Variants in ZFAT observed in about 807,000 individuals in gnomAD.
The protein encoded by ZFAT is zinc finger protein ZFAT.
Under a neutral mutation model 117.7 loss-of-function variants are expected in ZFAT, and 64 were observed. The ratio of observed to expected loss-of-function variants is 0.54; its 90% CI spans 0.44 to 0.67. The LOEUF (loss-of-function observed/expected upper bound fraction) is 0.67, where lower values mean the gene tolerates loss of function less well. Ranked by LOEUF, ZFAT falls within the 30% of genes least tolerant of loss-of-function variation. ZFAT has a pLI of 0.00. For missense variants in ZFAT, 1,433 were observed against 1,584.5 expected, an observed-to-expected ratio of 0.90 and a Z score of 1.62; for synonymous variants, 679 against 615.0, an observed-to-expected ratio of 1.10 and a Z score of -1.54.
upstream of ZFAT, among the ~76,000 whole-genome samples, chr8:134,715,580 A>C (rs1814202344): frequency 6.6e-6 from 1 of 152,230 alleles, no homozygotes; most frequent in Non-Finnish European, 1.5e-5. Context: ...TTTGCCAGTA[A>C]TATTTCAGAA....
At chr8:134,534,390 C>T (rs1821661403) in intron 11 of ZFAT, among the ~76,000 whole-genome samples, 1 of 152,180 alleles carries the variant, frequency 6.6e-6, no homozygotes, top group Admixed American at 6.5e-5. Context: ...CCACTGTTGC[C>T]CAGAAGAGCT....
At chr8:134,709,478 T>C (rs1053538435) in intron 1 of ZFAT, among the ~76,000 whole-genome samples, 1 of 152,208 alleles carries the variant, frequency 6.6e-6, no homozygotes, top group Non-Finnish European at 1.5e-5. Flanking sequence ...CCCTCCTAAA[T>C]GTTCCAGCCC....
chr8:134,762,263 C>T, the ZFAT span, among the ~76,000 whole-genome samples: 3 of 152,206 alleles, frequency 2.0e-5, no homozygotes, highest in Non-Finnish European at 4.4e-5. Context: ...CTACAAACCC[C>T]TCTTAATTGT....
intron 15 of ZFAT, among the ~76,000 whole-genome samples, chr8:134,493,094 T>C (rs551234563): frequency 6.6e-6 from 1 of 152,336 alleles, no homozygotes; most frequent in East Asian, 1.9e-4. Context: ...ACATATTTTC[T>C]TTCCCGAAGG....
At chr8:134,745,056 C>T in the ZFAT span, among the ~76,000 whole-genome samples, 4 of 152,186 alleles carry the variant, frequency 2.6e-5, no homozygotes, top group East Asian at 1.9e-4. Context: ...TGTAAGGGCT[C>T]GTCTAATTTG....
intron 15 of ZFAT, among the ~76,000 whole-genome samples, chr8:134,500,381 T>G (rs1818882350): frequency 6.6e-6 from 1 of 152,170 alleles, no homozygotes; most frequent in Non-Finnish European, 1.5e-5. Context: ...GGAAGAAAAG[T>G]GAAGTTGGAT....
chr8:134,627,673 A>G (rs1379159418), intron 3 of ZFAT, among the ~76,000 whole-genome samples: 2 of 152,136 alleles, frequency 1.3e-5, no homozygotes, highest in Non-Finnish European at 2.9e-5. Context: ...TTTCCCACCC[A>G]TTAGATATTG....
At chr8:134,711,599 G>C (rs1814000445) in intron 1 of ZFAT, among the ~76,000 whole-genome samples, 1 of 152,148 alleles carries the variant, frequency 6.6e-6, no homozygotes, top group African/African-American at 2.4e-5. Flanking sequence ...CCCGGCCTGA[G>C]TGATAGTGCG....
At chr8:134,639,868 TC>T (rs1385668258) in intron 2 of ZFAT, 1 of 434,566 alleles carries the variant, frequency 2.3e-6, no homozygotes, top group Admixed American at 2.5e-5. Flanking sequence ...GACTCTGCCA[TC>T]CCGCAGACAC....
At chr8:134,622,981 G>C (rs534495034) in intron 3 of ZFAT, among the ~76,000 whole-genome samples, 1 of 152,122 alleles carries the variant, frequency 6.6e-6, no homozygotes, top group African/African-American at 2.4e-5. Flanking sequence ...CTTTTACAAA[G>C]GGTCTCTTCC....
chr8:134,585,408 G>T (rs1046833580), intron 9 of ZFAT, among the ~76,000 whole-genome samples: 1 of 152,122 alleles, frequency 6.6e-6, no homozygotes, highest in African/African-American at 2.4e-5. Context: ...GTGAACAGTT[G>T]AATATACTCA....
At chr8:134,811,244 A>G in the ZFAT span, among the ~76,000 whole-genome samples, 1 of 152,240 alleles carries the variant, frequency 6.6e-6, no homozygotes, top group Non-Finnish European at 1.5e-5. Flanking sequence ...CAGAATTAAG[A>G]TTATCGTTTT....
chr8:134,597,772 T>A (rs1827076993), intron 7 of ZFAT: 1 of 152,190 alleles, frequency 6.6e-6, no homozygotes, highest in Admixed American at 6.5e-5. Flanking sequence ...AAAGCGTTTC[T>A]GCTGGAAGAA....
rs191122583 is a variant in ZFAT, at chr8:134,548,452, C to T, written c.2977-15480G>A. 1.8e-4 allele frequency among the ~76,000 whole-genome samples: 27 copies of T among 152,268 alleles called. No homozygotes were observed. In the East Asian group the frequency reaches 3.3e-3, roughly 19 times the overall value. ...CAATGGAGGGTGGAGGGTGAGGCGG[C>T]ACGGGAACCAGAGGCCAGGCAGAGC... On this transcript the variant is annotated intron_variant, in intron 11 of 15. Coordinates refer to ENST00000377838, the MANE Select transcript of ZFAT (RefSeq NM_020863.4).
chr8:134,633,816 AG>A (rs1370902329), intron 3 of ZFAT, among the ~76,000 whole-genome samples: 1 of 152,230 alleles, frequency 6.6e-6, no homozygotes, highest in African/African-American at 2.4e-5. Flanking sequence ...AGGCCAAGTG[AG>A]GTGGATCACC....
chr8:134,614,466 A>G (rs1828576856), intron 3 of ZFAT, among the ~76,000 whole-genome samples: 2 of 151,760 alleles, frequency 1.3e-5, no homozygotes, highest in South Asian at 4.2e-4. Context: ...TCACCTTCTT[A>G]CCTCCTCCAT....
intron 11 of ZFAT, among the ~76,000 whole-genome samples, chr8:134,537,977 G>A (rs974009760): frequency 1.9e-4 from 29 of 152,144 alleles, no homozygotes; most frequent in Non-Finnish European, 1.0e-4. Context: ...GGGAGGGAGA[G>A]GGTGTATTCC....
chr8:134,667,708 G>T (rs1832305577), intron 1 of ZFAT, among the ~76,000 whole-genome samples: 5 of 152,056 alleles, frequency 3.3e-5, no homozygotes. Context: ...CTGATTTATG[G>T]ATTTCCAACT....
At chr8:134,688,457 C>CACAGCA (rs1021427426) in intron 1 of ZFAT, among the ~76,000 whole-genome samples, 5 of 152,112 alleles carry the variant, frequency 3.3e-5, no homozygotes, top group Non-Finnish European at 7.3e-5. Flanking sequence ...ATATAAACAA[C>CACAGCA]ACAGCAACAA....
Sources: gnomAD v4.1 joint callset for allele counts (sites outside exome capture counted in the v4.1 genomes callset) on GRCh38, gnomAD v4.1.1 for gene constraint, MANE v1.5 for transcripts, NCBI Gene and HGNC (gene_info 2026-07-23, HGNC 2026-07-21) for gene names.